ACSS1: variants seen among roughly 807,000 people sequenced by gnomAD.
ACSS1 encodes the protein acetyl-coenzyme A synthetase 2-like, mitochondrial.
A neutral mutation model predicts 75.3 loss-of-function variants in ACSS1; 42 were observed. The ratio of observed to expected loss-of-function variants is 0.56; its 90% CI spans 0.44 to 0.72. The LOEUF (loss-of-function observed/expected upper bound fraction) is 0.72. Ranked by LOEUF, ACSS1 falls within the 30% of genes least tolerant of loss-of-function variation. The pLI is 0.00. For missense variants in ACSS1, 782 were observed against 935.7 expected (o/e 0.84, Z 2.14); for synonymous variants, 380 against 376.8 (o/e 1.01, Z -0.10).
chr20:25,043,440 C>A (rs2089037163), intron 2 of ACSS1, among the ~76,000 whole-genome samples: 1 of 152,218 alleles, frequency 6.6e-6, no homozygotes, highest in South Asian at 2.1e-4. Flanking sequence ...ACGGCCAGGC[C>A]CTGTCATGCA....
intron 9 of ACSS1, 100 bp from the exon 10 acceptor site, chr20:25,013,762 T>C: frequency 6.8e-7 from 1 of 1,475,314 alleles, no homozygotes; most frequent in Non-Finnish European, 9.0e-7. Flanking sequence ...TCCATAGCTC[T>C]CCCCTCTGCC....
intron 8 of ACSS1, among the ~76,000 whole-genome samples, chr20:25,014,348 C>T (rs2088478032): frequency 6.6e-6 from 1 of 152,214 alleles, no homozygotes; most frequent in Admixed American, 6.5e-5. Flanking sequence ...TGGGAAAGGG[C>T]AGAGCCCACC....
chr20:25,012,468 GAGA>G (rs1409965433), intron 12 of ACSS1, 130 bp downstream of exon 12: 21 of 1,129,990 alleles, frequency 1.9e-5, no homozygotes, highest in Non-Finnish European at 2.6e-5. Flanking sequence ...CCACTTGAGA[GAGA>G]AGAACACTGA....
Position 25,057,990 on chromosome 20 carries a change from G to A in ACSS1, c.113C>T (p.Ala38Val). The A allele has an allele frequency of 2.0e-6, 3 of 1,513,564 alleles. No individual in the cohort carries two copies. Among genetic ancestry groups the A allele is most frequent in the Non-Finnish European group, 2.7e-6 (3 of 1,132,036 alleles). The allele number at this position is 1,513,564 out of a possible 1,614,324, so 93.8% of individuals were successfully genotyped here. ...PCGVSAPRRAASGPSGSAPAV... is the reference protein window; with the variant it reads ...PCGVSAPRRAVSGPSGSAPAV... ...GGGAGCGCTGCCCGAGGGTCCCGAG[G>A]CCGCCCTGCGCGGCGCGCTCACCCC... The change falls in exon 1 of 14, where the codon GCC becomes GTC. Residue 38 changes from alanine to valine, a missense_variant. Around this residue, in one of 2 missense-constraint regions of ACSS1, gnomAD observed 377 missense variants for 383.1 expected, o/e 0.98. Transcript: ENST00000323482.
chr20:25,031,196 TC>T, intron 2 of ACSS1: 1 of 603,764 alleles, frequency 1.7e-6, no homozygotes, highest in East Asian at 3.2e-5. Context: ...GACAAGGCTA[TC>T]CTTAAGTCCG....
chr20:25,049,713 C>A (rs2089150297), intron 1 of ACSS1, among the ~76,000 whole-genome samples: 1 of 152,130 alleles, frequency 6.6e-6, no homozygotes, highest in Admixed American at 6.5e-5. Context: ...GCCCGCACCA[C>A]CAGCATCTCC....
At chr20:25,041,562 T>C (rs6076312) in intron 2 of ACSS1, among the ~76,000 whole-genome samples, 21,696 of 152,264 alleles carry the variant, frequency 0.14, 1,730 homozygotes, top group African/African-American at 0.21. Flanking sequence ...TGCTGGAATC[T>C]GCACCAGGCA....
Position 25,013,189 on chromosome 20 carries a change from C to T in ACSS1, c.1580-250G>A, listed in dbSNP as rs113232742. Among the ~76,000 whole-genome samples the T allele has an allele frequency of 8.6e-3, 1,303 of 152,114 alleles. 21 individuals carry two copies. Among genetic ancestry groups the T allele is most frequent in the African/African-American group, 0.03 (1,237 of 41,458 alleles). ...TCTCCAAAACACTGAGTCTTGTTTA[C>T]GACAAAAAGGGAAACTGGGAAAAAA... On this transcript the variant is annotated intron_variant, in intron 10 of 13. Transcript: ENST00000323482.
intron 2 of ACSS1, among the ~76,000 whole-genome samples, chr20:25,039,971 G>T (rs1030781385): frequency 1.3e-5 from 2 of 152,250 alleles, no homozygotes; most frequent in Admixed American, 1.3e-4. Flanking sequence ...CACACTGGGG[G>T]ACTGGAGTCC....
chr20:25,046,854 C>A (rs774152562), intron 2 of ACSS1: 1 of 779,716 alleles, frequency 1.3e-6, no homozygotes, highest in East Asian at 2.4e-5. Context: ...ATGGGCCACA[C>A]GGCATCTGCA....
intron 1 of ACSS1, 137 bp downstream of exon 1, chr20:25,057,632 G>A (rs2089261638): frequency 4.0e-6 from 3 of 743,738 alleles, no homozygotes; most frequent in Non-Finnish European, 6.2e-6. Flanking sequence ...CGGGCGGGGC[G>A]GACGGAATAC....
chr20:25,012,801 C>A lies in ACSS1; in HGVS notation c.1707+11G>T. 1 of 1,613,882 alleles carries A rather than the reference C, an allele frequency of 6.2e-7. No homozygotes were observed. Among genetic ancestry groups the A allele is most frequent in the South Asian group, 1.1e-5 (1 of 91,038 alleles). ...TGTAGGAGTGAAGGAGGAGGCCCAGCCTGTGCTCACGATGGCGTCCTCAAT... is the reference window on the plus strand; with the variant it reads ...TGTAGGAGTGAAGGAGGAGGCCCAGACTGTGCTCACGATGGCGTCCTCAAT... On this transcript the variant is annotated intron_variant, in intron 11 of 13. Transcript: ENST00000323482.
intron 1 of ACSS1, among the ~76,000 whole-genome samples, chr20:25,054,140 C>A (rs1300789004): frequency 6.6e-6 from 1 of 152,228 alleles, no homozygotes; most frequent in East Asian, 1.9e-4. Context: ...TCTCAGACAC[C>A]ATAACCTCAA....
Position 25,007,783 on chromosome 20 carries a change from G to C in ACSS1, c.2049C>G (p.Asp683Glu). The change falls in exon 14 of 14, where the codon GAC (aspartate) becomes GAG (glutamate). Residue 683 changes from aspartate (D) to glutamate (E), a missense_variant. By Grantham distance (45) the Asp-to-Glu change is conservative (BLOSUM62 2). This residue lies in a region of ACSS1 where 405 missense variants were observed against 552.6 expected (regional missense o/e 0.73). Transcript: ENST00000323482. ...CAGCTCACTTAGCAGCAGCCTGCTT[G>C]TCCTTGCACTTCTGGTAGACACTCA... Reference protein sequence around the residue: ...EILSVYQKCKDKQAAAK With the variant: ...EILSVYQKCKEKQAAAK 1.2e-6 allele frequency: 2 copies of C among 1,614,168 alleles called. No homozygotes were observed. Among genetic ancestry groups the C allele is most frequent in the Non-Finnish European group, 1.7e-6 (2 of 1,180,014 alleles).
chr20:25,039,165 C>G (rs796964163), intron 2 of ACSS1, among the ~76,000 whole-genome samples: 17 of 152,298 alleles, frequency 1.1e-4, no homozygotes, highest in African/African-American at 3.8e-4. Flanking sequence ...GTTCTGAGCT[C>G]CCCTTCCCTT....
intron 2 of ACSS1, among the ~76,000 whole-genome samples, chr20:25,044,273 G>A (rs2089050281): frequency 6.6e-6 from 1 of 152,136 alleles, no homozygotes; most frequent in Admixed American, 6.5e-5. Context: ...TCTCCACATG[G>A]CCACCCCCCA....
Position 25,015,125 on chromosome 20 carries a change from C to T in ACSS1, c.1339+13G>A, listed in dbSNP as rs77642298. 7,866 of 1,603,954 alleles carry T rather than the reference C, an allele frequency of 4.9e-3. 31 individuals carry two copies. The highest frequency in any genetic ancestry group is 5.8e-3 in the Non-Finnish European group (6,858 of 1,172,878). On this transcript the variant is annotated intron_variant, in intron 8 of 13. Coordinates refer to ENST00000323482, the MANE Select transcript of ACSS1 (RefSeq NM_032501.4). ...AGCACTTAGACCGGAACCTGTTCCC[C>T]AGGCCTCCTCACCTGTCTGCCACCA...
At chr20:25,040,338 T>C (rs1424839688) in intron 2 of ACSS1, among the ~76,000 whole-genome samples, 1 of 152,152 alleles carries the variant, frequency 6.6e-6, no homozygotes, top group Non-Finnish European at 1.5e-5. Flanking sequence ...GGTCCTTCTA[T>C]TTATCAGGCT....
chr20:25,057,965 G>A lies in ACSS1; in HGVS notation c.138C>T (p.Pro46=), dbSNP rs752995305. 1.9e-6 allele frequency: 3 copies of A among 1,584,978 alleles called. No homozygotes were observed. Among genetic ancestry groups the A allele is most frequent in the Non-Finnish European group, 2.6e-6 (3 of 1,166,924 alleles). The change falls in exon 1 of 14, where the codon CCC becomes CCT. Residue 46 remains proline (P), a synonymous_variant. Transcript: ENST00000323482. ...RAASGPSGSA[P]AVAAAAAQPG... ...GCTGTGCTGCTGCTGCTGCAACTGCGGGAGCGCTGCCCGAGGGTCCCGAGG... is the reference window on the plus strand; with the variant it reads ...GCTGTGCTGCTGCTGCTGCAACTGCAGGAGCGCTGCCCGAGGGTCCCGAGG...
Sources: gnomAD v4.1 joint callset for allele counts (sites outside exome capture counted in the v4.1 genomes callset) on GRCh38, gnomAD v4.1.1 for gene constraint, gnomAD v4.1.1 regional missense constraint, MANE v1.5 for transcripts, NCBI Gene and HGNC (gene_info 2026-07-23, HGNC 2026-07-21) for gene names.